KLRG1: variants seen among roughly 807,000 people sequenced by gnomAD.
KLRG1 encodes killer cell lectin like receptor G1, also known as killer cell lectin-like receptor subfamily G member 1.
A neutral mutation model predicts 21.8 loss-of-function variants in KLRG1; 16 were observed. That is an observed-to-expected ratio of 0.73 (90% confidence interval 0.50 to 1.11). KLRG1 has a LOEUF of 1.11. Ranked by LOEUF, KLRG1 falls within the 50% of genes most tolerant of loss-of-function variation. The pLI is 0.00. For missense variants in KLRG1, 173 were observed against 218.3 expected, an observed-to-expected ratio of 0.79 and a Z score of 1.31; for synonymous variants, 69 against 75.9, an observed-to-expected ratio of 0.91 and a Z score of 0.47.
the KLRG1 span, among the ~76,000 whole-genome samples, chr12:9,022,101 C>T: frequency 2.1e-4 from 32 of 152,222 alleles, no homozygotes; most frequent in Non-Finnish European, 3.7e-4. Flanking sequence ...TGAATAGCCA[C>T]CACATTCCAG....
the KLRG1 span, among the ~76,000 whole-genome samples, chr12:9,021,550 G>A: frequency 0.013 from 2,021 of 151,550 alleles, 39 homozygotes; most frequent in African/African-American, 0.042. Flanking sequence ...ACAGGCGCAC[G>A]CCACCATACC....
At chr12:9,004,348 C>T (rs1051972204) in intron 3 of KLRG1, among the ~76,000 whole-genome samples, 3 of 152,222 alleles carry the variant, frequency 2.0e-5, no homozygotes, top group Admixed American at 6.5e-5. Context: ...TATTTCTCCA[C>T]ATCCTCTCCA....
At chr12:9,141,375 T>G in the KLRG1 span, among the ~76,000 whole-genome samples, 1 of 152,216 alleles carries the variant, frequency 6.6e-6, no homozygotes, top group Admixed American at 6.5e-5. Context: ...AATAGAACCT[T>G]GTAGATACAT....
chr12:9,046,941 A>G, the KLRG1 span, among the ~76,000 whole-genome samples: 1 of 152,104 alleles, frequency 6.6e-6, no homozygotes, highest in African/African-American at 2.4e-5. Context: ...TGCAGCCTCA[A>G]TTTCCTGGAC....
At chr12:9,185,904 T>C in the KLRG1 span, among the ~76,000 whole-genome samples, 1 of 150,838 alleles carries the variant, frequency 6.6e-6, no homozygotes, top group Admixed American at 6.6e-5. Context: ...ACCTCCCAGG[T>C]TCAAACAGTT....
chr12:9,111,987 C>G, the KLRG1 span: 2 of 782,294 alleles, frequency 2.6e-6, no homozygotes, highest in East Asian at 2.5e-5. Flanking sequence ...GAATTACCTA[C>G]TTTCTTTACC....
the KLRG1 span, among the ~76,000 whole-genome samples, chr12:9,145,675 T>C: frequency 6.6e-6 from 1 of 152,360 alleles, no homozygotes; most frequent in African/African-American, 2.4e-5. Context: ...TGCTGTTTAG[T>C]GTCCTTTTCT....
chr12:9,142,564 G>T, the KLRG1 span, among the ~76,000 whole-genome samples: 15 of 152,246 alleles, frequency 9.9e-5, no homozygotes, highest in Non-Finnish European at 1.9e-4. Flanking sequence ...AAAAATATTT[G>T]ATTTAAGCAC....
the KLRG1 span, chr12:9,099,389 C>T: frequency 6.4e-7 from 1 of 1,556,514 alleles, no homozygotes; most frequent in East Asian, 2.4e-5. Flanking sequence ...ACCTTGTTGG[C>T]CAGACAATTT....
chr12:9,150,636 TC>T, the KLRG1 span: 160 of 1,565,412 alleles, frequency 1.0e-4, 1 homozygote, highest in South Asian at 9.9e-4. Context: ...CATTTTTCTT[TC>T]ACTCACCTGT....
the KLRG1 span, among the ~76,000 whole-genome samples, chr12:9,020,387 A>G: frequency 1.3e-5 from 2 of 152,170 alleles, no homozygotes; most frequent in Admixed American, 1.3e-4. Context: ...GACTTTTCAT[A>G]ATTCCTCTCC....
chr12:9,089,081 G>T, the KLRG1 span: 2 of 773,162 alleles, frequency 2.6e-6, no homozygotes, highest in Non-Finnish European at 2.1e-6. Context: ...TTTGTCAAAT[G>T]CATTGATGGT....
chr12:9,076,700 A>T, the KLRG1 span: 1 of 1,586,202 alleles, frequency 6.3e-7, no homozygotes, highest in Non-Finnish European at 8.6e-7. Context: ...GATTTTTGCC[A>T]TGCAGTTCTT....
chr12:9,179,212 A>C, the KLRG1 span, among the ~76,000 whole-genome samples: 114 of 152,280 alleles, frequency 7.5e-4, no homozygotes, highest in Non-Finnish European at 1.3e-3. Flanking sequence ...TCTGATAATT[A>C]TTCTTCAAAA....
At chr12:8,954,540 T>G (rs1347964937) in intron 1 of KLRG1, among the ~76,000 whole-genome samples, 1 of 151,822 alleles carries the variant, frequency 6.6e-6, no homozygotes, top group Non-Finnish European at 1.5e-5. Context: ...ATGTATATTT[T>G]TAAAAAGTTT....
the KLRG1 span, chr12:9,152,390 G>A: frequency 5.8e-6 from 6 of 1,029,928 alleles, no homozygotes; most frequent in African/African-American, 7.9e-5. Flanking sequence ...ATCACTTTAA[G>A]CCTGTCTGTC....
At chr12:9,121,139 G>A in the KLRG1 span, among the ~76,000 whole-genome samples, 1 of 151,970 alleles carries the variant, frequency 6.6e-6, no homozygotes, top group African/African-American at 2.4e-5. This position sits in a 1 kb window ranked among gnomAD's most constrained non-coding sequence, Gnocchi z 4.4. Context: ...TCCTATCTCG[G>A]CCCCGCAAAG....
chr12:9,213,621 A>G, the KLRG1 span, among the ~76,000 whole-genome samples: 5 of 152,068 alleles, frequency 3.3e-5, no homozygotes, highest in East Asian at 3.8e-4. Context: ...CTGACCATTT[A>G]TGTATCATCT....
chr12:9,029,429 T>A, the KLRG1 span, among the ~76,000 whole-genome samples: 2 of 152,124 alleles, frequency 1.3e-5, no homozygotes, highest in African/African-American at 4.8e-5. Flanking sequence ...TTGGCCAGGC[T>A]GGTCTCGAAC....
Sources: allele counts gnomAD v4.1 joint callset (sites outside exome capture counted in the v4.1 genomes callset), GRCh38; gene constraint gnomAD v4.1.1; non-coding constraint Gnocchi (gnomAD v3.1); transcripts MANE v1.5; gene names NCBI Gene and HGNC (gene_info 2026-07-23, HGNC 2026-07-21).